RPL37A: variants seen among roughly 807,000 people sequenced by gnomAD.
RPL37A encodes the protein ribosomal protein L37a.
Under a neutral mutation model 13.6 loss-of-function variants are expected in RPL37A, and 5 were observed. That is an observed-to-expected ratio of 0.37 (90% CI 0.19 to 0.78). The LOEUF is 0.78. Ranked by LOEUF, RPL37A falls within the 30% of genes least tolerant of loss-of-function variation. RPL37A has a pLI of 0.49. For missense variants in RPL37A, 77 were observed against 120.0 expected, an observed-to-expected ratio of 0.64 and a Z score of 1.67; for synonymous variants, 50 against 44.4, an observed-to-expected ratio of 1.13 and a Z score of -0.50.
In RPL37A at chr2:216,500,043, TC is replaced by T. The variant is rs1489629707; in HGVS notation, c.215+14del. 1.2e-6 allele frequency: 2 copies of T among 1,608,094 alleles called. No homozygotes were observed. Among genetic ancestry groups the T allele is most frequent in the Admixed American group, 3.3e-5 (2 of 60,010 alleles). On this transcript the variant is annotated intron_variant, in intron 3 of 3. Coordinates refer to ENST00000491306, the MANE Select transcript of RPL37A (RefSeq NM_000998.5). ...GCCTGGACGTACAAGTGAGTCTAGT[TC>T]CTTGTGGTATTTGGAAGTGTGTGGA...
rs753059764 is a variant in RPL37A, at chr2:216,499,415, C to T, written c.132+17C>T. On this transcript the variant is annotated intron_variant, in intron 2 of 3. Coordinates refer to ENST00000491306, the MANE Select transcript of RPL37A (RefSeq NM_000998.5). Reference sequence around the variant, plus strand: ...TGTGGCAAAGTAAGTAAGGCAAAGTCTCTGGTGAGAGGAGAGGGAGGGCAG... The same window carrying T: ...TGTGGCAAAGTAAGTAAGGCAAAGTTTCTGGTGAGAGGAGAGGGAGGGCAG... 4.3e-6 allele frequency: 7 copies of T among 1,613,308 alleles called. No homozygotes were observed. The highest frequency in any genetic ancestry group is 2.7e-5 in the African/African-American group (2 of 74,924).
At position 216,503,755 on chromosome 2, in the gene RPL37A, C is replaced by T. The variant is rs1451582250; in HGVS notation, c.*2351C>T. The T allele has an allele frequency of 6.6e-6, 1 of 152,106 alleles. No homozygotes were observed. The highest frequency in any genetic ancestry group is 1.5e-5 in the Non-Finnish European group (1 of 68,034). The allele number at this position is 152,106 out of a possible 1,614,324, so 9.4% of individuals were successfully genotyped here. On this transcript the variant is annotated 3_prime_UTR_variant, in exon 4 of 4. Coordinates refer to ENST00000491306, the MANE Select transcript of RPL37A (RefSeq NM_000998.5). ...GAAAGGGCGGGGGACAGTTTACAGACCAGTGAAAGTGCTGAGATAAATATT... is the reference window on the plus strand; with the variant it reads ...GAAAGGGCGGGGGACAGTTTACAGATCAGTGAAAGTGCTGAGATAAATATT...
At chr2:216,501,238 A>G in intron 3 of RPL37A, 103 bp from the exon 4 acceptor site, 1 of 862,474 alleles carries the variant, frequency 1.2e-6, no homozygotes, top group Non-Finnish European at 1.9e-6. Flanking sequence ...TTCTAGGAAA[A>G]TTTGGGAAGC....
chr2:216,501,207 A>T (rs918739068), intron 3 of RPL37A, 134 bp from the exon 4 acceptor site: 1 of 628,232 alleles, frequency 1.6e-6, no homozygotes, highest in Admixed American at 2.6e-5. Context: ...TTGGTAGAGC[A>T]GTCTATCTCA....
intron 2 of RPL37A, 105 bp from the exon 3 acceptor site, chr2:216,499,844 G>C (rs751951349): frequency 3.2e-6 from 3 of 945,366 alleles, no homozygotes; most frequent in South Asian, 2.7e-5. Flanking sequence ...AGAAAGGGAG[G>C]CTTTCACATC....
In RPL37A at chr2:216,501,547, G is replaced by A. The variant is rs1574498102; in HGVS notation, c.*143G>A. ...CTGTTGTATTGGAAAAGCATGCCAA[G>A]ATGGATTATTGTAATTCAGTGTCTT... is the stretch of plus-strand genomic sequence containing the variant. On this transcript the variant is annotated 3_prime_UTR_variant, in exon 4 of 4. Transcript: ENST00000491306. 2 of 563,406 alleles carry A rather than the reference G, an allele frequency of 3.5e-6. No homozygotes were observed. Among genetic ancestry groups the A allele is most frequent in the East Asian group, 3.0e-5 (1 of 33,342 alleles). The allele number at this position is 563,406 out of a possible 1,614,324, so 34.9% of individuals were successfully genotyped here.
Position 216,498,881 on chromosome 2 carries a change from A to T in RPL37A, c.3+4A>T, listed in dbSNP as rs1162619443. 2 of 1,613,966 alleles carry T rather than the reference A, an allele frequency of 1.2e-6. No homozygotes were observed. Among genetic ancestry groups the T allele is most frequent in the Non-Finnish European group, 1.7e-6 (2 of 1,179,916 alleles). On this transcript the variant is annotated splice_donor_region_variant and intron_variant, in intron 1 of 3. Coordinates refer to ENST00000491306, the MANE Select transcript of RPL37A (RefSeq NM_000998.5). ...GGACCTAGGTCGCGGCGACATGGTG[A>T]GTGTGGGTCTCTGTGCGGCCTAGAA... is the stretch of plus-strand genomic sequence containing the variant.
At chr2:216,500,523 A>G (rs528959301) in intron 3 of RPL37A, 12 of 171,348 alleles carry the variant, frequency 7.0e-5, no homozygotes, top group African/African-American at 2.4e-4. Context: ...ACACTATACT[A>G]CAAACTAGCA....
intron 3 of RPL37A, chr2:216,500,406 ACT>A: frequency 3.5e-6 from 1 of 282,334 alleles, no homozygotes; most frequent in East Asian, 9.2e-5. Flanking sequence ...TGTATTTGGA[ACT>A]TGAGGCCATC....
rs1439446626 is a variant in RPL37A, at chr2:216,499,930, A to G, written c.133-19A>G. On this transcript the variant is annotated intron_variant, in intron 2 of 3. Transcript: ENST00000491306. ...AAATACTTACTTGGTTCATAGTGAA[A>G]ATTGGTTCTCTTTTATAGACCAAGA... 6.2e-7 allele frequency: 1 copy of G among 1,605,208 alleles called. No homozygotes were observed. The highest frequency in any genetic ancestry group is 1.7e-5 in the Admixed American group (1 of 60,004).
chr2:216,500,228 C>T (rs970569291), intron 3 of RPL37A, 197 bp downstream of exon 3: 13 of 598,364 alleles, frequency 2.2e-5, no homozygotes, highest in Admixed American at 3.0e-5. Flanking sequence ...AAATAGAAGT[C>T]GGAAATCTAA....
intron 3 of RPL37A, 190 bp downstream of exon 3, chr2:216,500,221 T>TAGAG: frequency 1.7e-6 from 1 of 604,232 alleles, no homozygotes; most frequent in Non-Finnish European, 2.9e-6. Context: ...ACTACCAAAA[T>TAGAG]AGAAGTCGGA....
chr2:216,499,965 G>T lies in RPL37A; in HGVS notation c.149G>T (p.Arg50Leu). 1 of 1,614,048 alleles carries T rather than the reference G, an allele frequency of 6.2e-7. No individual in the cohort carries two copies. Among genetic ancestry groups the T allele is most frequent in the Non-Finnish European group, 8.5e-7 (1 of 1,179,924 alleles). Reference sequence around the variant, plus strand: ...CTTTTATAGACCAAGATGAAGAGACGAGCTGTGGGGATCTGGCACTGTGGT... The same window carrying T: ...CTTTTATAGACCAAGATGAAGAGACTAGCTGTGGGGATCTGGCACTGTGGT... Reference protein sequence around the residue: ...SFCGKTKMKRRAVGIWHCGSC... With the variant: ...SFCGKTKMKRLAVGIWHCGSC... Residue 50 changes from arginine to leucine, a missense_variant, in exon 3 of 4, where the codon CGA (arginine) becomes CTA (leucine). Physicochemically the swap from Arg to Leu is moderately radical, Grantham distance 102 (BLOSUM62 -2). Transcript: ENST00000491306.
At chr2:216,500,249 A>G (rs1695576644) in intron 3 of RPL37A, 4 of 584,282 alleles carry the variant, frequency 6.8e-6, no homozygotes, top group Middle Eastern at 9.2e-4. Context: ...TTCACAGACT[A>G]CTTTAGAATT....
intron 3 of RPL37A, chr2:216,500,706 G>A (rs1249442768): frequency 6.6e-6 from 1 of 152,288 alleles, no homozygotes; most frequent in Non-Finnish European, 1.5e-5. Context: ...ATGGGAACTA[G>A]AGTGCTTTCT....
Position 216,499,929 on chromosome 2 carries a change from A to G in RPL37A, c.133-20A>G, listed in dbSNP as rs776560703. The G allele has an allele frequency of 1.2e-6, 2 of 1,604,212 alleles. No homozygotes were observed. Among genetic ancestry groups the G allele is most frequent in the East Asian group, 2.2e-5 (1 of 44,826 alleles). On this transcript the variant is annotated intron_variant, in intron 2 of 3. Transcript: ENST00000491306. The stretch of plus-strand genomic sequence containing the variant: ...AAAATACTTACTTGGTTCATAGTGA[A>G]AATTGGTTCTCTTTTATAGACCAAG...
rs758447908 is a variant in RPL37A at position 216,498,882 on chromosome 2, G to T, written c.3+5G>T. On this transcript the variant is annotated splice_donor_5th_base_variant and intron_variant, in intron 1 of 3. Coordinates refer to ENST00000491306, the MANE Select transcript of RPL37A (RefSeq NM_000998.5). The stretch of plus-strand genomic sequence containing the variant: ...GACCTAGGTCGCGGCGACATGGTGA[G>T]TGTGGGTCTCTGTGCGGCCTAGAAC... 8 of 1,614,086 alleles carry T rather than the reference G, an allele frequency of 5.0e-6. No homozygotes were observed. The highest frequency in any genetic ancestry group is 6.8e-6 in the Non-Finnish European group (8 of 1,179,942).
rs1695629166 is a variant in RPL37A at position 216,503,325 on chromosome 2, A to G, written c.*1921A>G. 1 of 152,204 alleles carries G rather than the reference A, an allele frequency of 6.6e-6. No individual in the cohort carries two copies. The highest frequency in any genetic ancestry group is 2.4e-5 in the African/African-American group (1 of 41,434). 9.4% of individuals were successfully genotyped at this position (152,204 alleles called of 1,614,324 possible). A position where few individuals can be genotyped will look rare whatever the true frequency, so the allele number is the denominator to read the frequency against. Reference sequence around the variant, plus strand: ...TATATGCTGGGTGTTTGGATTATTAATTTGGAGTCTTACAAAGCTGCTATG... The same window carrying G: ...TATATGCTGGGTGTTTGGATTATTAGTTTGGAGTCTTACAAAGCTGCTATG... On this transcript the variant is annotated 3_prime_UTR_variant, in exon 4 of 4. Transcript: ENST00000491306.
rs1695617309 is a variant in RPL37A, at chr2:216,502,483, G to C, written c.*1079G>C. On this transcript the variant is annotated 3_prime_UTR_variant, in exon 4 of 4. Transcript: ENST00000491306. ...AACGTCTGCAATTCTCCAGTTTTTA[G>C]TTTGCACGTAAGGATTCGTAGGATT... 6.6e-6 allele frequency: 1 copy of C among 152,190 alleles called. No individual in the cohort carries two copies. Among genetic ancestry groups the C allele is most frequent in the Admixed American group, 6.5e-5 (1 of 15,286 alleles). 9.4% of individuals were successfully genotyped at this position (152,190 alleles called of 1,614,324 possible). A position where few individuals can be genotyped will look rare whatever the true frequency, so the allele number is the denominator to read the frequency against.
Sources: allele counts gnomAD v4.1 joint callset, GRCh38; gene constraint gnomAD v4.1.1; transcripts MANE v1.5; gene names NCBI Gene and HGNC (gene_info 2026-07-23, HGNC 2026-07-21).